U2SURP: variants seen among roughly 807,000 people sequenced by gnomAD.
U2SURP encodes the protein U2 snRNP associated SURP domain containing.
In U2SURP, 9 loss-of-function variants were observed where a neutral mutation model predicts 144.9. The ratio of observed to expected loss-of-function variants is 0.06; its 90% CI spans 0.04 to 0.11. The LOEUF is 0.11. U2SURP is among the 10% of genes least tolerant of loss of function. U2SURP has a pLI of 1.00. For synonymous variants in U2SURP, 408 were observed against 396.8 expected (o/e 1.03, Z -0.33); for missense variants, 724 against 1,226.7 (o/e 0.59, Z 6.12).
intron 18 of U2SURP, chr3:143,034,640 T>C (rs529729128): frequency 5.0e-5 from 15 of 298,736 alleles, no homozygotes; most frequent in Admixed American, 1.9e-4. Context: ...ATCCTAGATA[T>C]AACGTTTCTT....
At chr3:143,051,441 T>C (rs1188791075) in intron 25 of U2SURP, among the ~76,000 whole-genome samples, 1 of 151,880 alleles carries the variant, frequency 6.6e-6, no homozygotes, top group Admixed American at 6.6e-5. Context: ...TTATTTTCAT[T>C]TCTCATGGTT....
intron 18 of U2SURP, among the ~76,000 whole-genome samples, chr3:143,034,209 C>T (rs141154090): frequency 0.017 from 2,586 of 152,202 alleles, 58 homozygotes; most frequent in African/African-American, 0.059. Context: ...TTCGAGACCA[C>T]CCTGGCCAAC....
intron 16 of U2SURP, among the ~76,000 whole-genome samples, chr3:143,031,473 A>ACC (rs1553842580): frequency 1.3e-5 from 2 of 151,830 alleles, no homozygotes; most frequent in Non-Finnish European, 2.9e-5. Flanking sequence ...CACCACCCTG[A>ACC]TCAGTTGGCC....
chr3:143,023,959 G>A lies in U2SURP; in HGVS notation c.1231-16G>A. On this transcript the variant is annotated splice_polypyrimidine_tract_variant and intron_variant, in intron 12 of 27. Transcript: ENST00000473835. ...ACATATTCTATGTTTATTATCTGAT[G>A]TGACTTCATATACAGACTCTGTCGC... is the stretch of plus-strand genomic sequence containing the variant. 6.2e-7 allele frequency: 1 copy of A among 1,611,982 alleles called. No individual in the cohort carries two copies. Among genetic ancestry groups the A allele is most frequent in the Non-Finnish European group, 8.5e-7 (1 of 1,178,378 alleles).
At chr3:143,010,282 C>T (rs1264864008) in intron 1 of U2SURP, among the ~76,000 whole-genome samples, 3 of 152,370 alleles carry the variant, frequency 2.0e-5, no homozygotes, top group African/African-American at 4.8e-5. Context: ...ATCGAATCAT[C>T]TCCCTTAAAA....
intron 2 of U2SURP, 53 bp from the exon 3 acceptor site, chr3:143,012,169 T>A: frequency 3.2e-6 from 5 of 1,583,840 alleles, no homozygotes; most frequent in Non-Finnish European, 4.3e-6. Context: ...TTCAGTGCTA[T>A]ATATGTATAT....
At chr3:143,001,827 G>A (rs548359963) in intron 1 of U2SURP, among the ~76,000 whole-genome samples, 154 bp downstream of exon 1, 70 of 152,346 alleles carry the variant, frequency 4.6e-4, no homozygotes, top group African/African-American at 1.6e-3. Flanking sequence ...TGCGCAGGTT[G>A]AGAGGCCTGG....
chr3:143,001,947 G>C (rs974075613), intron 1 of U2SURP, among the ~76,000 whole-genome samples: 1 of 152,256 alleles, frequency 6.6e-6, no homozygotes, highest in Non-Finnish European at 1.5e-5. Flanking sequence ...CAGGAATTCA[G>C]ATTGAGGTCT....
chr3:143,032,718 G>A (rs1474766099), intron 16 of U2SURP, 66 bp from the exon 17 acceptor site: 61 of 1,408,130 alleles, frequency 4.3e-5, no homozygotes, highest in Non-Finnish European at 5.7e-5. Context: ...TAGTTTGTGA[G>A]CAAAAGCTAC....
intron 16 of U2SURP, among the ~76,000 whole-genome samples, chr3:143,032,285 A>G (rs561820112): frequency 6.6e-6 from 1 of 152,218 alleles, no homozygotes; most frequent in Admixed American, 6.5e-5. Context: ...GTTGGCCAGG[A>G]TGGTCTTGAT....
In U2SURP at chr3:143,021,328, GTCT is replaced by G. The variant is rs772529786; in HGVS notation, c.734-17_734-15del. On this transcript the variant is annotated intron_variant, in intron 8 of 27. Transcript: ENST00000473835. ...TACTGTATTATAAAAACTAATAATT[GTCT>G]TCTTTTCTCCCCTTTAAGTGGACGC... 2.5e-6 allele frequency: 4 copies of G among 1,575,716 alleles called. No homozygotes were observed. The highest frequency in any genetic ancestry group is 2.7e-5 in the African/African-American group (2 of 74,176).
In U2SURP at chr3:143,023,047, A is replaced by G. The variant is rs754709793; in HGVS notation, c.1213A>G (p.Lys405Glu). 13 of 1,604,316 alleles carry G rather than the reference A, an allele frequency of 8.1e-6. No individual in the cohort carries two copies. Among genetic ancestry groups the G allele is most frequent in the Non-Finnish European group, 1.7e-6 (2 of 1,175,822 alleles). Residue 405 changes from lysine (K) to glutamate (E), a missense_variant, in exon 12 of 28, where the codon AAA (lysine) becomes GAA (glutamate). Physicochemically the swap from Lys to Glu is moderately conservative, Grantham distance 56. Coordinates refer to ENST00000473835, the MANE Select transcript of U2SURP (RefSeq NM_001080415.2). ...NAPMLPPPKN[K>E]EDFEKTLSQA... ...TCCTATGTTACCGCCACCTAAAAAC[A>G]AAGAGGATTTTGAGAAGGTAATTTA...
intron 20 of U2SURP, 85 bp from the exon 21 acceptor site, chr3:143,037,094 C>A: frequency 1.5e-6 from 2 of 1,343,764 alleles, no homozygotes; most frequent in Non-Finnish European, 2.0e-6. Context: ...GTTATGTTGG[C>A]TTGTACTGGA....
At chr3:143,040,726 T>A (rs1232444553) in intron 23 of U2SURP, among the ~76,000 whole-genome samples, 1 of 151,824 alleles carries the variant, frequency 6.6e-6, no homozygotes, top group African/African-American at 2.4e-5. Context: ...CAAAACCAGT[T>A]TAGAAAAACT....
intron 20 of U2SURP, among the ~76,000 whole-genome samples, chr3:143,036,554 A>G (rs920151588): frequency 4.6e-5 from 7 of 152,124 alleles, no homozygotes; most frequent in African/African-American, 1.2e-4. Context: ...TAATTCTGCC[A>G]TGCTAGTCAA....
intron 25 of U2SURP, 134 bp from the exon 26 acceptor site, chr3:143,053,542 T>A: frequency 1.6e-6 from 1 of 630,258 alleles, no homozygotes; most frequent in Non-Finnish European, 2.5e-6. Flanking sequence ...TAGATTTTTT[T>A]TTTTTTAATA....
chr3:143,043,111 C>T lies in U2SURP; in HGVS notation c.2385-6C>T. On this transcript the variant is annotated splice_polypyrimidine_tract_variant and splice_region_variant and intron_variant, in intron 23 of 27. Transcript: ENST00000473835. ...GACATACAATGTATTCTGCTTGTTT[C>T]TAAAGTCAAGAAGAAGAAAGTGAAG... is the stretch of plus-strand genomic sequence containing the variant. 6.3e-7 allele frequency: 1 copy of T among 1,598,102 alleles called. No homozygotes were observed. The highest frequency in any genetic ancestry group is 8.5e-7 in the Non-Finnish European group (1 of 1,172,698).
Position 143,020,803 on chromosome 3 carries a change from GAT to G in U2SURP, c.733+116_733+117del, listed in dbSNP as rs1374178347. The G allele has an allele frequency of 1.4e-5, 11 of 773,160 alleles. No homozygotes were observed. The Middle Eastern group carries it at 1.2e-3, about 83-fold the overall frequency. The allele number at this position is 773,160 out of a possible 1,614,324, so 47.9% of individuals were successfully genotyped here. ...TCACCAGTGGATGTCTGAAACCATG[GAT>G]ATATACTATCCTTTTCCTTACACAT... On this transcript the variant is annotated intron_variant, in intron 8 of 27. Transcript: ENST00000473835.
At chr3:143,033,377 C>T in intron 18 of U2SURP, 27 bp downstream of exon 18, 2 of 1,214,890 alleles carry the variant, frequency 1.6e-6, no homozygotes, top group Non-Finnish European at 2.4e-6. Context: ...AACTGATATT[C>T]CTGAAATAAA....
Sources: allele counts gnomAD v4.1 joint callset (sites outside exome capture counted in the v4.1 genomes callset), GRCh38; gene constraint gnomAD v4.1.1; transcripts MANE v1.5; gene names NCBI Gene and HGNC (gene_info 2026-07-23, HGNC 2026-07-21).